The following CACHD1 variants were observed in gnomAD, a reference collection of about 807,000 sequenced individuals.
CACHD1 encodes cache domain containing 1, also known as VWFA and cache domain-containing protein 1.
In CACHD1, 71 loss-of-function variants were observed where a neutral mutation model predicts 138.7. The observed-to-expected ratio is 0.51, with a 90% confidence interval of 0.42 to 0.62. The LOEUF (loss-of-function observed/expected upper bound fraction) is 0.62. CACHD1 is among the 20% of genes least tolerant of loss of function. The probability of loss-of-function intolerance (pLI) is 0.00; values close to 1 mark genes in which losing one functional copy is unlikely to be tolerated. For synonymous variants in CACHD1, 578 were observed against 591.5 expected (o/e 0.98, Z 0.33); for missense variants, 1,389 against 1,625.3 (o/e 0.85, Z 2.50).
chr1:64,559,538 C>T lies in CACHD1; in HGVS notation c.261+8882C>T, dbSNP rs189897756. Reference sequence around the variant, plus strand: ...GGAGGGAGAGGAGCAGAAAAGATGACTACTGGGTACTGAGCTTAATACCTG... The same window carrying T: ...GGAGGGAGAGGAGCAGAAAAGATGATTACTGGGTACTGAGCTTAATACCTG... On this transcript the variant is annotated intron_variant, in intron 2 of 26. Transcript: ENST00000651257. Among the ~76,000 whole-genome samples, 211 of 152,248 alleles carry T rather than the reference C, an allele frequency of 1.4e-3. 1 individual carries two copies. The Middle Eastern group carries it at 0.02, about 15-fold the overall frequency.
chr1:64,566,480 C>CCCCA (rs1553133826), intron 2 of CACHD1, among the ~76,000 whole-genome samples: 4 of 892 alleles, frequency 4.5e-3, no homozygotes, highest in Admixed American at 9.3e-3. Flanking sequence ...GTTTTCAATT[C>CCCCA]CCCCCCCCCC....
intron 24 of CACHD1, among the ~76,000 whole-genome samples, chr1:64,680,224 C>A (rs571503682): frequency 6.6e-6 from 1 of 152,262 alleles, no homozygotes; most frequent in East Asian, 1.9e-4. Flanking sequence ...CGCGGTGGCT[C>A]ATGCCTGTAA....
chr1:64,486,071 A>G (rs305540), intron 1 of CACHD1, among the ~76,000 whole-genome samples: 133,647 of 152,162 alleles, frequency 0.88, 59,240 homozygotes, highest in East Asian at 0.94. Context: ...AATGTGTGAA[A>G]TGGTATCTCA....
At chr1:64,678,744 G>A (rs565716135) in intron 23 of CACHD1, among the ~76,000 whole-genome samples, 1 of 152,272 alleles carries the variant, frequency 6.6e-6, no homozygotes, top group South Asian at 2.1e-4. Flanking sequence ...GGGCCTTGGA[G>A]TCAACAGAAG....
chr1:64,579,103 T>C (rs1646991711), intron 2 of CACHD1, among the ~76,000 whole-genome samples: 1 of 152,210 alleles, frequency 6.6e-6, no homozygotes, highest in Admixed American at 6.5e-5. Context: ...CTACTTAATC[T>C]GCCATTGTAA....
chr1:64,489,813 G>GTCTATTCA (rs1646263859), intron 1 of CACHD1, among the ~76,000 whole-genome samples: 1 of 152,192 alleles, frequency 6.6e-6, no homozygotes, highest in South Asian at 2.1e-4. Flanking sequence ...AGAGTCCTGG[G>GTCTATTCA]TGTGTGGGGA....
chr1:64,681,185 C>G, intron 24 of CACHD1, 73 bp from the exon 25 acceptor site: 1 of 1,124,448 alleles, frequency 8.9e-7, no homozygotes, highest in Non-Finnish European at 1.3e-6. Flanking sequence ...CAAACAAGTG[C>G]TCAGCAGGGT....
Position 64,650,775 on chromosome 1 carries a change from A to T in CACHD1, c.1391-1386A>T, listed in dbSNP as rs578098618. 3.3e-5 allele frequency among the ~76,000 whole-genome samples: 5 copies of T among 152,376 alleles called. No homozygotes were observed. In the South Asian group the frequency reaches 1.0e-3, roughly 32 times the overall value. ...AAGAATGGCTTTCTGATAGGCTGAT[A>T]GACATCAAGCGCAGGAAAAAACAAA... On this transcript the variant is annotated intron_variant, in intron 9 of 26. Transcript: ENST00000651257.
chr1:64,658,986 C>A, intron 13 of CACHD1, 113 bp downstream of exon 13: 5 of 923,734 alleles, frequency 5.4e-6, no homozygotes, highest in Non-Finnish European at 7.7e-6. Flanking sequence ...CCTGCAGAGT[C>A]AGCTGGTTTG....
rs965078206 is a variant in CACHD1, at chr1:64,652,931, C to T, written c.1540+621C>T. 5.9e-5 allele frequency among the ~76,000 whole-genome samples: 9 copies of T among 152,226 alleles called. No homozygotes were observed. In the East Asian group the frequency reaches 1.7e-3, roughly 29 times the overall value. Reference sequence around the variant, plus strand: ...CCCAAAGGAATGTCAATCGTTCTCTCATAAAGACACCTGTATGTTCATTGC... The same window carrying T: ...CCCAAAGGAATGTCAATCGTTCTCTTATAAAGACACCTGTATGTTCATTGC... On this transcript the variant is annotated intron_variant, in intron 10 of 26. Transcript: ENST00000651257.
intron 16 of CACHD1, among the ~76,000 whole-genome samples, chr1:64,667,172 C>G (rs1649662943): frequency 6.6e-6 from 1 of 151,930 alleles, no homozygotes; most frequent in African/African-American, 2.4e-5. Flanking sequence ...GTTTTAATCC[C>G]TTCATTATAC....
chr1:64,535,716 G>A (rs888445499), intron 1 of CACHD1, among the ~76,000 whole-genome samples: 6 of 152,038 alleles, frequency 3.9e-5, no homozygotes, highest in African/African-American at 7.2e-5. Flanking sequence ...CATTTGAAAC[G>A]TCCCCTAGTA....
chr1:64,472,335 C>T (rs570727165), intron 1 of CACHD1, among the ~76,000 whole-genome samples: 2 of 152,196 alleles, frequency 1.3e-5, no homozygotes, highest in Admixed American at 1.3e-4. Flanking sequence ...AATCTCCTCC[C>T]AAGAGGTTAC....
chr1:64,601,955 GAAATTCACTTAA>G (rs1291803377), intron 3 of CACHD1, among the ~76,000 whole-genome samples: 1 of 152,162 alleles, frequency 6.6e-6, no homozygotes, highest in African/African-American at 2.4e-5. Flanking sequence ...ACTCCTGGAT[GAAATTCACTTAA>G]AAATACTCTT....
At position 64,663,735 on chromosome 1, in the gene CACHD1, C is replaced by T. The variant is rs777014198; in HGVS notation, c.1992C>T (p.Ser664=). ...TIMLSAGSFS[S]PYEHLSQPET... ...TGCTGTCTGCTGGCAGCTTTTCCTC[C>T]CCCTATGAGCACCTCAGCCAGCCAG... Residue 664 remains serine, a synonymous_variant, in exon 14 of 27, where the codon TCC becomes TCT. Transcript: ENST00000651257. The T allele has an allele frequency of 8.7e-6, 14 of 1,613,928 alleles. No individual in the cohort carries two copies. Among genetic ancestry groups the T allele is most frequent in the Non-Finnish European group, 1.1e-5 (13 of 1,180,006 alleles).
At chr1:64,483,872 C>T (rs900308490) in intron 1 of CACHD1, among the ~76,000 whole-genome samples, 7 of 145,646 alleles carry the variant, frequency 4.8e-5, no homozygotes, top group South Asian at 2.3e-4. Flanking sequence ...CTTCCCCCCC[C>T]CCCTTGCATA....
intron 1 of CACHD1, among the ~76,000 whole-genome samples, chr1:64,494,984 AATC>A: frequency 6.6e-6 from 1 of 152,104 alleles, no homozygotes; most frequent in South Asian, 2.1e-4. Context: ...TGTTGGCATA[AATC>A]TTGTTTCTTT....
At chr1:64,600,467 C>T (rs1234851180) in intron 3 of CACHD1, among the ~76,000 whole-genome samples, 4 of 152,140 alleles carry the variant, frequency 2.6e-5, no homozygotes, top group Admixed American at 6.5e-5. Flanking sequence ...TGGAACCATT[C>T]GACTGAGTCA....
intron 4 of CACHD1, among the ~76,000 whole-genome samples, chr1:64,614,181 G>T (rs548832706): frequency 1.3e-5 from 2 of 152,210 alleles, no homozygotes; most frequent in Non-Finnish European, 2.9e-5. Context: ...TAGACCCCTG[G>T]CTGGGCATCT....
Sources: gnomAD v4.1 joint callset for allele counts (sites outside exome capture counted in the v4.1 genomes callset) on GRCh38, gnomAD v4.1.1 for gene constraint, MANE v1.5 for transcripts, NCBI Gene and HGNC (gene_info 2026-07-23, HGNC 2026-07-21) for gene names.